Variants in CTPS2 observed in about 807,000 individuals in gnomAD.
The protein encoded by CTPS2 is CTP synthase 2, also known as CTP synthase II.
Under a neutral mutation model 46.8 loss-of-function variants are expected in CTPS2, and 19 were observed. The ratio of observed to expected loss-of-function variants is 0.41; its 90% CI spans 0.28 to 0.60. The LOEUF (loss-of-function observed/expected upper bound fraction) is 0.60. CTPS2 is among the 20% of genes least tolerant of loss of function. The pLI, the probability that CTPS2 is intolerant of heterozygous loss-of-function variation, is 0.35. For synonymous variants in CTPS2, 151 were observed against 165.2 expected, an observed-to-expected ratio of 0.91 and a Z score of 0.66; for missense variants, 286 against 447.6, an observed-to-expected ratio of 0.64 and a Z score of 3.26.
chrX:16,622,143 A>G (rs1001700173), intron 14 of CTPS2, among the ~76,000 whole-genome samples: 2 of 110,824 alleles, frequency 1.8e-5, no homozygotes, highest in African/African-American at 6.6e-5. Context: ...GGTGGCTCAC[A>G]CCTGTAATCC....
intron 14 of CTPS2, among the ~76,000 whole-genome samples, chrX:16,624,303 A>T (rs1345857876): frequency 8.9e-6 from 1 of 112,390 alleles, no homozygotes; most frequent in East Asian, 2.8e-4. Flanking sequence ...TATACCTGTG[A>T]AAAAGGAAAA....
intron 13 of CTPS2, among the ~76,000 whole-genome samples, chrX:16,646,130 C>T (rs1274151017): frequency 8.9e-6 from 1 of 112,842 alleles, no homozygotes; most frequent in African/African-American, 3.2e-5. Flanking sequence ...CTTATACCTC[C>T]AGATGTAAAC....
At position 16,619,005 on chromosome X, in the gene CTPS2, G is replaced by A. The variant is rs780534708; in HGVS notation, c.1449+1272C>T. 1.8e-4 allele frequency among the ~76,000 whole-genome samples: 20 copies of A among 111,793 alleles called. No individual in the cohort carries two copies. In the South Asian group the frequency reaches 3.4e-3, roughly 19 times the overall value. Reference sequence around the variant, plus strand: ...AATGAATGAATGGCTACGCTATTGCGTACGTACCAGTTCTTGCACCTTCTC... The same window carrying A: ...AATGAATGAATGGCTACGCTATTGCATACGTACCAGTTCTTGCACCTTCTC... On this transcript the variant is annotated intron_variant, in intron 15 of 18. Transcript: ENST00000359276.
At chrX:16,645,233 A>T (rs895845479) in intron 13 of CTPS2, among the ~76,000 whole-genome samples, 8 of 108,605 alleles carry the variant, frequency 7.4e-5, no homozygotes, top group Non-Finnish European at 1.5e-4. Flanking sequence ...GACCCTGTGA[A>T]CCACACGCCT....
chrX:16,589,277 C>G lies in CTPS2; in HGVS notation c.*540G>C, dbSNP rs1928768722. ...TTAAATTTTGTGCCTGAGGCAAAGC[C>G]TTACTTGCCACCCCCAAGTCTTGGA... is the stretch of plus-strand genomic sequence containing the variant. On this transcript the variant is annotated 3_prime_UTR_variant, in exon 19 of 19. Coordinates refer to ENST00000359276, the MANE Select transcript of CTPS2 (RefSeq NM_175859.3). 1 of 112,007 alleles carries G rather than the reference C, an allele frequency of 8.9e-6. No individual in the cohort carries two copies. Among genetic ancestry groups the G allele is most frequent in the Non-Finnish European group, 1.9e-5 (1 of 53,219 alleles). 9.2% of individuals were successfully genotyped at this position (112,007 alleles called of 1,213,427 possible).
In CTPS2 at chrX:16,711,615, G is replaced by A. The variant is rs1344313744; in HGVS notation, c.-40+720C>T. The A allele has an allele frequency of 4.5e-5, 5 of 111,112 alleles. No homozygotes were observed. The South Asian group carries it at 1.5e-3, about 33-fold the overall frequency. 9.2% of individuals were successfully genotyped at this position (111,112 alleles called of 1,213,427 possible). ...GGGCCTGGGGTGGATTGACAGAAAGGAGGTACCAGGGAACTTTGCAGGGTG... is the reference window on the plus strand; with the variant it reads ...GGGCCTGGGGTGGATTGACAGAAAGAAGGTACCAGGGAACTTTGCAGGGTG... On this transcript the variant is annotated intron_variant, in intron 1 of 18. Coordinates refer to ENST00000359276, the MANE Select transcript of CTPS2 (RefSeq NM_175859.3).
chrX:16,637,994 G>T (rs749407746), intron 14 of CTPS2, among the ~76,000 whole-genome samples: 3 of 111,724 alleles, frequency 2.7e-5, no homozygotes, highest in Non-Finnish European at 5.6e-5. Flanking sequence ...GGTGACTCAC[G>T]CCTGTAATCC....
intron 13 of CTPS2, chrX:16,654,432 C>G (rs1466975354): frequency 8.3e-7 from 1 of 1,200,201 alleles, no homozygotes; most frequent in African/African-American, 1.8e-5. Flanking sequence ...TGATCTCTTT[C>G]AAGAACTGGA....
chrX:16,650,763 G>A (rs1359660066), intron 13 of CTPS2, among the ~76,000 whole-genome samples: 4 of 109,939 alleles, frequency 3.6e-5, no homozygotes, highest in Non-Finnish European at 7.6e-5. Flanking sequence ...CACCCTCCTT[G>A]GCCTCCCAAA....
At chrX:16,695,323 C>T (rs749216470) in intron 4 of CTPS2, among the ~76,000 whole-genome samples, 1 of 110,321 alleles carries the variant, frequency 9.1e-6, no homozygotes, top group African/African-American at 3.3e-5. Context: ...TTCAGAAGTT[C>T]CCATTACCAT....
At chrX:16,628,411 G>T (rs750824457) in intron 14 of CTPS2, among the ~76,000 whole-genome samples, 1 of 110,957 alleles carries the variant, frequency 9.0e-6, no homozygotes, top group South Asian at 3.8e-4. Context: ...TGTCGCCCAG[G>T]CTGGAGTGCA....
intron 5 of CTPS2, 66 bp from the exon 6 acceptor site, chrX:16,693,290 C>T: frequency 9.4e-7 from 1 of 1,067,614 alleles, no homozygotes; most frequent in African/African-American, 1.8e-5. Flanking sequence ...AATGGTGCCC[C>T]ACTTTCAAAT....
chrX:16,670,707 C>A, intron 10 of CTPS2, 33 bp from the exon 11 acceptor site: 1 of 1,042,606 alleles, frequency 9.6e-7, no homozygotes, highest in Non-Finnish European at 1.3e-6. Flanking sequence ...GTAAACTTGA[C>A]TATCCATTTT....
rs141658460 is a variant in CTPS2 at position 16,656,764 on chromosome X, C to T, written c.1296+10750G>A. ...ATGATGATACTGAAGGCGTTTCAAACAACATAAGCCCTCTCCAAGATTCTG... is the reference window on the plus strand; with the variant it reads ...ATGATGATACTGAAGGCGTTTCAAATAACATAAGCCCTCTCCAAGATTCTG... On this transcript the variant is annotated intron_variant, in intron 13 of 18. Transcript: ENST00000359276. Among the ~76,000 whole-genome samples, 677 of 111,715 alleles carry T rather than the reference C, an allele frequency of 6.1e-3. 26 individuals are homozygous for T. The highest frequency in any genetic ancestry group is 0.056 in the Admixed American group (589 of 10,529).
chrX:16,617,386 A>T, intron 15 of CTPS2, 140 bp from the exon 16 acceptor site: 1 of 350,171 alleles, frequency 2.9e-6, no homozygotes, highest in Non-Finnish European at 5.0e-6. Context: ...GCTCAAAGCC[A>T]ATTTTAAACT....
In CTPS2 at chrX:16,691,698, C is replaced by G. The variant is rs903715195; in HGVS notation, c.640-78G>C. The G allele has an allele frequency of 6.9e-6, 6 of 865,369 alleles. 1 individual carries two copies. The Admixed American group carries it at 1.1e-4, about 16-fold the overall frequency. 71.3% of individuals were successfully genotyped at this position (865,369 alleles called of 1,213,427 possible). A position where few individuals can be genotyped will look rare whatever the true frequency, so the allele number is the denominator to read the frequency against. On this transcript the variant is annotated intron_variant, in intron 6 of 18. Transcript: ENST00000359276. Reference sequence around the variant, plus strand: ...CACATTCATTTCTTTTTACAAGAAACTTGGCCAAGTATGTACTTGTTCACT... The same window carrying G: ...CACATTCATTTCTTTTTACAAGAAAGTTGGCCAAGTATGTACTTGTTCACT...
At chrX:16,684,465 C>T (rs1372122193) in intron 8 of CTPS2, among the ~76,000 whole-genome samples, 3 of 100,237 alleles carry the variant, frequency 3.0e-5, no homozygotes, top group Non-Finnish European at 6.0e-5. Context: ...GCCGAGATCG[C>T]ACCACTGCAC....
chrX:16,671,891 G>C (rs1203946838), intron 10 of CTPS2, among the ~76,000 whole-genome samples: 1 of 111,194 alleles, frequency 9.0e-6, no homozygotes, highest in East Asian at 2.8e-4. Context: ...AATCGTCTGT[G>C]TGCACCAATT....
At chrX:16,672,796 G>C (rs1369788024) in intron 10 of CTPS2, among the ~76,000 whole-genome samples, 1 of 109,071 alleles carries the variant, frequency 9.2e-6, no homozygotes, top group Non-Finnish European at 1.9e-5. Context: ...CTCTCTCTCT[G>C]TGCAAATTGG....
Sources: gnomAD v4.1 joint callset for allele counts (sites outside exome capture counted in the v4.1 genomes callset) on GRCh38, gnomAD v4.1.1 for gene constraint, MANE v1.5 for transcripts, NCBI Gene and HGNC (gene_info 2026-07-23, HGNC 2026-07-21) for gene names.